Variants in NCOR2 observed in about 807,000 individuals in gnomAD.
The protein encoded by NCOR2 is CTG repeat protein 26.
In NCOR2, 81 loss-of-function variants were observed where a neutral mutation model predicts 262.9. The observed-to-expected ratio is 0.31, with a 90% CI of 0.26 to 0.37. NCOR2 has a LOEUF of 0.37. Ranked by LOEUF, NCOR2 falls within the 10% of genes least tolerant of loss-of-function variation. The pLI is 1.00. For synonymous variants in NCOR2, 1,659 were observed against 1,559.3 expected (o/e 1.06, Z -1.51); for missense variants, 3,385 against 3,621.4 (o/e 0.93, Z 1.68).
intron 13 of NCOR2, among the ~76,000 whole-genome samples, chr12:124,417,965 G>A (rs1441953067): frequency 2.0e-5 from 3 of 151,576 alleles, no homozygotes; most frequent in African/African-American, 7.3e-5. Context: ...GGAGGCTGAG[G>A]CATGAGAATC....
rs190228468 is a variant in NCOR2 at position 124,396,276 on chromosome 12, A to G, written c.1876+1843T>C. The stretch of plus-strand genomic sequence containing the variant: ...AGGCAGTGGTGAGGGTTGCACACCA[A>G]TGCAGATGTACTTCATGCCACTGAG... On this transcript the variant is annotated intron_variant, in intron 16 of 46. Transcript: ENST00000405201. Among the ~76,000 whole-genome samples, 18 of 152,326 alleles carry G rather than the reference A, an allele frequency of 1.2e-4. No individual in the cohort carries two copies. In the East Asian group the frequency reaches 2.9e-3, roughly 24 times the overall value.
At chr12:124,351,051 G>A (rs911664078) in intron 27 of NCOR2, among the ~76,000 whole-genome samples, 12 of 152,252 alleles carry the variant, frequency 7.9e-5, no homozygotes, top group Admixed American at 2.6e-4. Context: ...TGGGGAAACC[G>A]AGGCACAGGG....
chr12:124,354,668 G>A lies in NCOR2; in HGVS notation c.3485-86C>T, dbSNP rs2037800996. 8.1e-6 allele frequency: 11 copies of A among 1,357,446 alleles called. No homozygotes were observed. In the East Asian group the frequency reaches 2.5e-4, roughly 31 times the overall value. The allele number at this position is 1,357,446 out of a possible 1,614,324, so 84.1% of individuals were successfully genotyped here. ...CCCCACCCAACCTGAGCCAGGGGCT[G>A]GGAAGCGCTGCCCCTCCCCACCATG... On this transcript the variant is annotated intron_variant, in intron 25 of 46. Coordinates refer to ENST00000405201, the Ensembl canonical transcript of NCOR2.
chr12:124,325,376 C>CGGGGGGGGGGGGGGGGGGG, exon 47 of NCOR2: 1 of 426,508 alleles, frequency 2.3e-6, no homozygotes, highest in Non-Finnish European at 3.4e-6. Flanking sequence ...GACCTGACAC[C>CGGGGGGGGGGGGGGGGGGG]GCCCCCCCCC....
At chr12:124,488,801 C>T (rs760384642) in intron 1 of NCOR2, among the ~76,000 whole-genome samples, 106 of 152,328 alleles carry the variant, frequency 7.0e-4, no homozygotes, top group Admixed American at 1.2e-3. Flanking sequence ...GCAGGGCGGA[C>T]GGTCCAGTCC....
chr12:124,415,843 G>A (rs540062083), intron 13 of NCOR2, among the ~76,000 whole-genome samples: 2 of 152,102 alleles, frequency 1.3e-5, no homozygotes, highest in South Asian at 4.1e-4. Context: ...CGGTGCCCCA[G>A]CCTGGCCCCA....
chr12:124,352,380 T>A (rs2037562717), intron 27 of NCOR2, among the ~76,000 whole-genome samples: 2 of 140,810 alleles, frequency 1.4e-5, no homozygotes, highest in African/African-American at 5.7e-5. Flanking sequence ...AGGCATCTGA[T>A]TTTTTTTTTT....
intron 22 of NCOR2, among the ~76,000 whole-genome samples, chr12:124,359,137 G>A (rs2038284557): frequency 1.3e-5 from 2 of 152,188 alleles, no homozygotes. Flanking sequence ...CTTCCTGCTG[G>A]CCTCTCGCCC....
At chr12:124,354,490 A>T in exon 26 of NCOR2, 1 of 1,565,782 alleles carries the variant, frequency 6.4e-7, no homozygotes, top group Non-Finnish European at 8.6e-7. Flanking sequence ...CTCAGCACGG[A>T]CGCCTCCTGG....
intron 1 of NCOR2, among the ~76,000 whole-genome samples, chr12:124,559,236 C>T (rs927073193): frequency 2.6e-5 from 4 of 152,206 alleles, no homozygotes; most frequent in Non-Finnish European, 5.9e-5. Context: ...GCATCAGCCA[C>T]AAGTCCAGGT....
intron 13 of NCOR2, among the ~76,000 whole-genome samples, chr12:124,417,151 G>C (rs11057615): frequency 6.1e-4 from 77 of 126,686 alleles, no homozygotes; most frequent in African/African-American, 2.1e-3. Flanking sequence ...TCACTCCACG[G>C]AGAGCAGGCC....
intron 13 of NCOR2, among the ~76,000 whole-genome samples, chr12:124,412,882 G>A (rs2042658092): frequency 6.6e-6 from 1 of 152,230 alleles, no homozygotes; most frequent in Admixed American, 6.5e-5. Context: ...GACTCAGACT[G>A]GGACACGTCC....
intron 3 of NCOR2, among the ~76,000 whole-genome samples, chr12:124,474,517 G>A (rs2046997044): frequency 6.6e-6 from 1 of 152,090 alleles, no homozygotes; most frequent in South Asian, 2.1e-4. Flanking sequence ...GGCTGTGCTG[G>A]AAACACTCTC....
Position 124,495,028 on chromosome 12 carries a change from C to G in NCOR2, c.105+119G>C. 3.8e-6 allele frequency: 5 copies of G among 1,314,314 alleles called. No individual in the cohort carries two copies. Among genetic ancestry groups the G allele is most frequent in the Non-Finnish European group, 5.2e-6 (5 of 961,344 alleles). The allele number at this position is 1,314,314 out of a possible 1,614,324, so 81.4% of individuals were successfully genotyped here. A position where few individuals can be genotyped will look rare whatever the true frequency, so the allele number is the denominator to read the frequency against. Reference sequence around the variant, plus strand: ...TCTCTGTGGCGGCCTCCCCTCTGCCCTGGGAGGCTCAGAGCCACATGAGCC... The same window carrying G: ...TCTCTGTGGCGGCCTCCCCTCTGCCGTGGGAGGCTCAGAGCCACATGAGCC... On this transcript the variant is annotated intron_variant, in intron 1 of 46. Coordinates refer to ENST00000405201, the Ensembl canonical transcript of NCOR2. This position sits in a 1 kb window ranked among gnomAD's most constrained non-coding sequence, Gnocchi z 4.4.
intron 24 of NCOR2, 114 bp from the exon 27 acceptor site, chr12:124,355,053 T>C (rs1479265856): frequency 2.4e-6 from 2 of 843,268 alleles, no homozygotes; most frequent in Non-Finnish European, 3.7e-6. Context: ...CTGGGGCTGC[T>C]GTCCAGCTGT....
intron 45 of NCOR2, 82 bp downstream of exon 47, chr12:124,327,327 T>A: frequency 9.1e-7 from 1 of 1,102,264 alleles, no homozygotes. Flanking sequence ...AGGAGGGGGT[T>A]GTCAGAGGAG....
At chr12:124,421,159 C>A (rs1453572249) in intron 12 of NCOR2, among the ~76,000 whole-genome samples, 1 of 152,260 alleles carries the variant, frequency 6.6e-6, no homozygotes, top group Admixed American at 6.5e-5. Context: ...TGGCTCCCAG[C>A]CAGACGTCAG....
intron 16 of NCOR2, among the ~76,000 whole-genome samples, chr12:124,387,214 TC>T (rs2040868406): frequency 1.3e-5 from 2 of 151,852 alleles, no homozygotes; most frequent in Non-Finnish European, 2.9e-5. Flanking sequence ...ATTCATTCAT[TC>T]ATTCATTCAT....
intron 1 of NCOR2, among the ~76,000 whole-genome samples, chr12:124,493,360 C>G (rs1263806009): frequency 6.6e-6 from 1 of 152,212 alleles, no homozygotes; most frequent in Non-Finnish European, 1.5e-5. Context: ...GGTACAGCAA[C>G]AAGACCAAGG....
Sources: allele counts gnomAD v4.1 joint callset (sites outside exome capture counted in the v4.1 genomes callset), GRCh38; gene constraint gnomAD v4.1.1; non-coding constraint Gnocchi (gnomAD v3.1); transcripts MANE v1.5; gene names NCBI Gene and HGNC (gene_info 2026-07-23, HGNC 2026-07-21).